Variants in ACSL3 observed in about 807,000 individuals in gnomAD.
ACSL3 encodes the protein acyl-CoA synthetase long chain family member 3, also known as fatty acid CoA ligase Acsl3.
ACSL3 carries 34 observed loss-of-function variants against 84.7 expected under a neutral mutation model. The ratio of observed to expected loss-of-function variants is 0.40; its 90% CI spans 0.31 to 0.53. The LOEUF is 0.53. ACSL3 is among the 20% of genes least tolerant of loss of function. The pLI, the probability that ACSL3 is intolerant of heterozygous loss-of-function variation, is 0.48. For synonymous variants in ACSL3, 315 were observed against 299.4 expected (o/e 1.05, Z -0.54); for missense variants, 680 against 873.1 (o/e 0.78, Z 2.79).
At chr2:222,926,123 A>G (rs1225974124) in intron 11 of ACSL3, among the ~76,000 whole-genome samples, 1 of 152,236 alleles carries the variant, frequency 6.6e-6, no homozygotes, top group African/African-American at 2.4e-5. Context: ...AAACAATAAA[A>G]TATAACAGTG....
In ACSL3 at chr2:222,908,861, T is replaced by C; in HGVS notation, c.89T>C (p.Ile30Thr). The C allele has an allele frequency of 6.2e-7, 1 of 1,604,864 alleles. No individual in the cohort carries two copies. ...PILLYFIHFL[I>T]SLYTILTYIP... ...CTTTTATATTTTATACATTTTCTAA[T>C]ATCACTTTATACTATTTTAACATAC... Residue 30 changes from isoleucine to threonine, a missense_variant, in exon 4 of 17, where the codon ATA becomes ACA. Ile to Thr is a moderately conservative substitution (Grantham distance 89). Coordinates refer to ENST00000357430, the MANE Select transcript of ACSL3 (RefSeq NM_004457.5).
At chr2:222,900,848 T>A (rs1269279635) in intron 3 of ACSL3, 68 bp downstream of exon 3, 1 of 152,238 alleles carries the variant, frequency 6.6e-6, no homozygotes, top group African/African-American at 2.4e-5. Context: ...CTTCACATTG[T>A]CTTCTACAGA....
intron 1 of ACSL3, among the ~76,000 whole-genome samples, chr2:222,864,447 A>G (rs988034432): frequency 2.0e-5 from 3 of 152,210 alleles, no homozygotes; most frequent in African/African-American, 7.2e-5. Context: ...GAGCTTGTCA[A>G]GGAGACAAGA....
intron 1 of ACSL3, among the ~76,000 whole-genome samples, chr2:222,866,191 G>A (rs1695133774): frequency 6.6e-6 from 1 of 151,998 alleles, no homozygotes; most frequent in Admixed American, 6.6e-5. Flanking sequence ...TGTCCCCCTG[G>A]CTGGAGTGCA....
rs116792764 is a variant in ACSL3, at chr2:222,914,856, A to G, written c.379-1463A>G. On this transcript the variant is annotated intron_variant, in intron 4 of 16. Transcript: ENST00000357430. ...AATATTTATGAAAAACATAATTACTAGATGATTCAGTGGTTTAAAGAATTA... is the reference window on the plus strand; with the variant it reads ...AATATTTATGAAAAACATAATTACTGGATGATTCAGTGGTTTAAAGAATTA... Among the ~76,000 whole-genome samples the G allele has an allele frequency of 6.1e-3, 931 of 152,372 alleles. 4 individuals are homozygous for G. Among genetic ancestry groups the G allele is most frequent in the African/African-American group, 0.022 (896 of 41,582 alleles).
intron 3 of ACSL3, among the ~76,000 whole-genome samples, chr2:222,906,061 A>G (rs745433648): frequency 1.2e-4 from 18 of 152,106 alleles, no homozygotes; most frequent in Middle Eastern, 3.4e-3. Flanking sequence ...TGTGTTGTAA[A>G]CTGGGCATTT....
At chr2:222,926,423 CCT>C (rs1247372697) in intron 11 of ACSL3, among the ~76,000 whole-genome samples, 1 of 151,734 alleles carries the variant, frequency 6.6e-6, no homozygotes, top group African/African-American at 2.4e-5. Flanking sequence ...TTAAGTACTA[CCT>C]CTCCTTTTTG....
In ACSL3 at chr2:222,941,947, G is replaced by T; in HGVS notation, c.*293G>T. The T allele has an allele frequency of 3.5e-6, 1 of 281,830 alleles. No individual in the cohort carries two copies. 17.5% of individuals were successfully genotyped at this position (281,830 alleles called of 1,614,324 possible). On this transcript the variant is annotated 3_prime_UTR_variant, in exon 17 of 17. Coordinates refer to ENST00000357430, the MANE Select transcript of ACSL3 (RefSeq NM_004457.5). ...GGAAGCAGTGATTTTAAAACCTCAA[G>T]TTTTTAAACATGATTTATATGTTCT...
Position 222,874,533 on chromosome 2 carries a change from T to C in ACSL3, c.-207+13275T>C, listed in dbSNP as rs141990310. ...TAGGGAGACTTGGTCTCTATAAAAA[T>C]AATAAAAAATACTAACTGAGTTGGG... is the stretch of plus-strand genomic sequence containing the variant. On this transcript the variant is annotated intron_variant, in intron 1 of 16. Coordinates refer to ENST00000357430, the MANE Select transcript of ACSL3 (RefSeq NM_004457.5). 5.2e-4 allele frequency among the ~76,000 whole-genome samples: 78 copies of C among 151,422 alleles called. 2 individuals carry two copies. In the South Asian group the frequency reaches 7.1e-3, roughly 14 times the overall value.
intron 4 of ACSL3, among the ~76,000 whole-genome samples, chr2:222,914,712 T>C (rs924362311): frequency 6.6e-6 from 1 of 152,218 alleles, no homozygotes; most frequent in Non-Finnish European, 1.5e-5. Flanking sequence ...TTCAATGATA[T>C]TGGCAAGGAA....
At chr2:222,881,610 G>A (rs908140349) in intron 1 of ACSL3, among the ~76,000 whole-genome samples, 3 of 152,268 alleles carry the variant, frequency 2.0e-5, no homozygotes, top group African/African-American at 2.4e-5. Context: ...TCCGCTTCCC[G>A]GGTTCAAGCG....
Position 222,863,635 on chromosome 2 carries a change from T to TG in ACSL3, c.-207+2378dup, listed in dbSNP as rs139906879. ...TTTTTTAGGAAAGCTAGGCCAAGGG[T>TG]GATAGGCTTTTAAAACAACGAGCAT... is the stretch of plus-strand genomic sequence containing the variant. On this transcript the variant is annotated intron_variant, in intron 1 of 16. Transcript: ENST00000357430. Among the ~76,000 whole-genome samples, 576 of 152,252 alleles carry TG rather than the reference T, an allele frequency of 3.8e-3. 11 individuals are homozygous for TG. The East Asian group carries it at 0.081, about 21-fold the overall frequency.
rs1360990417 is a variant in ACSL3, at chr2:222,944,569, C to G, written c.*2915C>G. ...ATCATAAAGAGCTACATGGTATGGA[C>G]TATTTATTTGTAATTTGACATAAAG... On this transcript the variant is annotated 3_prime_UTR_variant, in exon 17 of 17. Coordinates refer to ENST00000357430, the MANE Select transcript of ACSL3 (RefSeq NM_004457.5). The G allele has an allele frequency of 6.8e-6, 1 of 147,906 alleles. No homozygotes were observed. Among genetic ancestry groups the G allele is most frequent in the African/African-American group, 2.5e-5 (1 of 40,156 alleles). 9.2% of individuals were successfully genotyped at this position (147,906 alleles called of 1,614,324 possible).
intron 15 of ACSL3, 103 bp from the exon 16 acceptor site, chr2:222,934,427 T>A (rs1038421747): frequency 4.5e-5 from 43 of 960,022 alleles, no homozygotes; most frequent in East Asian, 3.5e-4. Flanking sequence ...ACATGCATTT[T>A]AAAAAAAATG....
chr2:222,943,829 A>G lies in ACSL3; in HGVS notation c.*2175A>G, dbSNP rs1317984076. ...AAAACCACTCAATTATGACTCATAT[A>G]AGAAATACTGGTTTAACCAGGAGAT... On this transcript the variant is annotated 3_prime_UTR_variant, in exon 17 of 17. Transcript: ENST00000357430. The G allele has an allele frequency of 1.3e-5, 2 of 152,160 alleles. No homozygotes were observed. The highest frequency in any genetic ancestry group is 1.9e-4 in the East Asian group (1 of 5,196). The allele number at this position is 152,160 out of a possible 1,614,324, so 9.4% of individuals were successfully genotyped here. A position where few individuals can be genotyped will look rare whatever the true frequency, so the allele number is the denominator to read the frequency against.
Position 222,916,299 on chromosome 2 carries a change from AT to A in ACSL3, c.379-11del, listed in dbSNP as rs60362808. The A allele has an allele frequency of 0.41, 585,612 of 1,430,470 alleles. 127,618 individuals carry two copies. The highest frequency in any genetic ancestry group is 0.79 in the East Asian group (32,520 of 41,192). 88.6% of individuals were successfully genotyped at this position (1,430,470 alleles called of 1,614,324 possible). ...TTATTATTTTGATTACATTAAAAAA[AT>A]TTTTTTTTGTTTTATCAGGTTATTC... On this transcript the variant is annotated intron_variant, in intron 4 of 16. Transcript: ENST00000357430.
chr2:222,934,674 AGCT>A lies in ACSL3; in HGVS notation c.1996_1998del (p.Ala666del), dbSNP rs1233687533. On this transcript the variant is annotated inframe_deletion, in exon 16 of 17. Coordinates refer to ENST00000357430, the MANE Select transcript of ACSL3 (RefSeq NM_004457.5). ...ATGAGGTACTTAAAGTGCTTTCCGA[AGCT>A]GCTATTTCAGGTGAGTATTCGGTTA... 1 of 1,608,444 alleles carries A rather than the reference AGCT, an allele frequency of 6.2e-7. No individual in the cohort carries two copies. The highest frequency in any genetic ancestry group is 2.2e-5 in the East Asian group (1 of 44,734).
chr2:222,874,477 A>AC (rs1695394938), intron 1 of ACSL3, among the ~76,000 whole-genome samples: 1 of 152,148 alleles, frequency 6.6e-6, no homozygotes, highest in South Asian at 2.1e-4. Flanking sequence ...GATCACTTGC[A>AC]CCCAGGAGTT....
At chr2:222,892,418 C>T (rs1329083088) in intron 2 of ACSL3, among the ~76,000 whole-genome samples, 1 of 152,130 alleles carries the variant, frequency 6.6e-6, no homozygotes, top group African/African-American at 2.4e-5. Flanking sequence ...CAGGGTGCCC[C>T]TCTAAAAAAG....
Sources: gnomAD v4.1 joint callset for allele counts (sites outside exome capture counted in the v4.1 genomes callset) on GRCh38, gnomAD v4.1.1 for gene constraint, MANE v1.5 for transcripts, NCBI Gene and HGNC (gene_info 2026-07-23, HGNC 2026-07-21) for gene names.